PLEKHM2: variants seen among roughly 807,000 people sequenced by gnomAD.
PLEKHM2 encodes the protein pleckstrin homology domain-containing family M member 2.
A neutral mutation model predicts 116.3 loss-of-function variants in PLEKHM2; 77 were observed. The ratio of observed to expected loss-of-function variants is 0.66; its 90% CI spans 0.55 to 0.80. PLEKHM2 has a LOEUF of 0.80. PLEKHM2 is among the 30% of genes least tolerant of loss of function. PLEKHM2 has a pLI of 0.00. For missense variants in PLEKHM2, 1,183 were observed against 1,354.9 expected (o/e 0.87, Z 1.99); for synonymous variants, 562 against 571.0 (o/e 0.98, Z 0.22).
chr1:15,731,827 GGCTGTCGCCCCGT>G, intron 16 of PLEKHM2, 49 bp from the exon 17 acceptor site: 1 of 1,457,156 alleles, frequency 6.9e-7, no homozygotes, highest in Non-Finnish European at 9.4e-7. Flanking sequence ...CAACCCTGGG[GGCTGTCGCCCCGT>G]GCTGCCCTTG....
intron 14 of PLEKHM2, 116 bp from the exon 15 acceptor site, chr1:15,730,416 T>A: frequency 1.3e-6 from 1 of 799,486 alleles, no homozygotes; most frequent in East Asian, 2.7e-5. Context: ...CAGTCCAGCC[T>A]GGGCGACAGA....
intron 1 of PLEKHM2, among the ~76,000 whole-genome samples, chr1:15,694,445 G>C (rs1640950262): frequency 6.6e-6 from 1 of 152,106 alleles, no homozygotes; most frequent in Non-Finnish European, 1.5e-5. Flanking sequence ...AGCAACTCTG[G>C]GCCCCGAGCT....
chr1:15,697,720 G>A (rs912213882), intron 1 of PLEKHM2, among the ~76,000 whole-genome samples: 1 of 152,078 alleles, frequency 6.6e-6, no homozygotes, highest in African/African-American at 2.4e-5. Flanking sequence ...CTGGGATGCA[G>A]TGGTGCAATC....
rs116455686 is a variant in PLEKHM2 at position 15,730,534 on chromosome 1, A to G, written c.2211A>G (p.Ala737=). 15,657 of 1,577,064 alleles carry G rather than the reference A, an allele frequency of 9.9e-3. 108 individuals are homozygous for G. Among genetic ancestry groups the G allele is most frequent in the Non-Finnish European group, 0.011 (12,916 of 1,161,568 alleles). The change falls in exon 15 of 20, where the codon GCA becomes GCG. Residue 737 remains alanine, a splice_region_variant and synonymous_variant. Transcript: ENST00000375799. ...KFVAQESKCE[A]SAVTVRFYGL... ...CCCCGTGCCCGCCCCCGCATCAGGC[A>G]TCTGCTGTCACCGTGCGCTTCTACG...
Position 15,721,470 on chromosome 1 carries a change from C to A in PLEKHM2, c.712+82C>A. The stretch of plus-strand genomic sequence containing the variant: ...GCTTGCTGCATGTATCAAATCAGCT[C>A]CTTATTATTTATAATAATATCCATA... On this transcript the variant is annotated intron_variant, in intron 7 of 19. Coordinates refer to ENST00000375799, the MANE Select transcript of PLEKHM2 (RefSeq NM_015164.4). The surrounding 1 kb of genome is among the most constrained non-coding windows in gnomAD (Gnocchi z 5.1). 1.3e-6 allele frequency: 1 copy of A among 794,702 alleles called. No individual in the cohort carries two copies. The highest frequency in any genetic ancestry group is 2.7e-5 in the East Asian group (1 of 36,824). 49.2% of individuals were successfully genotyped at this position (794,702 alleles called of 1,614,324 possible).
intron 1 of PLEKHM2, among the ~76,000 whole-genome samples, chr1:15,686,648 A>ATTTTTTTTTTTTTTTTTTTTTTT (rs1233033159): frequency 1.5e-5 from 2 of 134,212 alleles, no homozygotes; most frequent in Admixed American, 7.4e-5. Context: ...ACCCGGCTAA[A>ATTTTTTTTTTTTTTTTTTTTTTT]TTTTTTTTTT....
Position 15,729,662 on chromosome 1 carries a change from C to T in PLEKHM2, c.2076-135C>T, listed in dbSNP as rs2148376177. 2.7e-6 allele frequency: 2 copies of T among 728,416 alleles called. No homozygotes were observed. Among genetic ancestry groups the T allele is most frequent in the South Asian group, 3.6e-5 (2 of 55,584 alleles). The allele number at this position is 728,416 out of a possible 1,614,324, so 45.1% of individuals were successfully genotyped here. Reference sequence around the variant, plus strand: ...CTGCGTCATTGCCGCACCTGCCGCCCTGGTCACTGGGTCTAGCCAGGTCTC... The same window carrying T: ...CTGCGTCATTGCCGCACCTGCCGCCTTGGTCACTGGGTCTAGCCAGGTCTC... On this transcript the variant is annotated intron_variant, in intron 13 of 19. Transcript: ENST00000375799. The surrounding 1 kb of genome is among the most constrained non-coding windows in gnomAD (Gnocchi z 4.7).
intron 7 of PLEKHM2, among the ~76,000 whole-genome samples, chr1:15,723,590 A>G (rs1005500248): frequency 6.6e-6 from 1 of 151,934 alleles, no homozygotes; most frequent in Admixed American, 6.6e-5. Flanking sequence ...AAATATAAAA[A>G]TTAGCCAGGC....
chr1:15,694,469 G>T (rs1195826824), intron 1 of PLEKHM2, among the ~76,000 whole-genome samples: 1 of 152,166 alleles, frequency 6.6e-6, no homozygotes, highest in African/African-American at 2.4e-5. Context: ...CTCCTTGAGG[G>T]TCTAAACCAG....
At chr1:15,715,282 T>G (rs1409087885) in intron 1 of PLEKHM2, among the ~76,000 whole-genome samples, 1 of 152,178 alleles carries the variant, frequency 6.6e-6, no homozygotes, top group Admixed American at 6.5e-5. Flanking sequence ...TTCAGGAGAT[T>G]GAGGCTGCAG....
chr1:15,711,338 A>C (rs1359471527), intron 1 of PLEKHM2, among the ~76,000 whole-genome samples: 1 of 151,774 alleles, frequency 6.6e-6, no homozygotes, highest in Non-Finnish European at 1.5e-5. Flanking sequence ...TTTTGTGGCC[A>C]ACCGTGGTGG....
intron 2 of PLEKHM2, among the ~76,000 whole-genome samples, 160 bp from the exon 3 acceptor site, chr1:15,716,547 T>C (rs951200477): frequency 6.6e-6 from 1 of 152,126 alleles, no homozygotes; most frequent in Middle Eastern, 3.4e-3. Context: ...GAGGGAGGAT[T>C]TGCCACAAAT....
intron 1 of PLEKHM2, among the ~76,000 whole-genome samples, chr1:15,703,790 G>A (rs911020347): frequency 6.6e-6 from 1 of 152,178 alleles, no homozygotes; most frequent in Admixed American, 6.5e-5. Flanking sequence ...ACACTTCCCC[G>A]AAGCAGTCTT....
intron 1 of PLEKHM2, among the ~76,000 whole-genome samples, chr1:15,694,631 T>A (rs1001372501): frequency 2.0e-5 from 3 of 152,130 alleles, no homozygotes; most frequent in Admixed American, 6.6e-5. Context: ...GAGATTAAAG[T>A]TTAGGCCATT....
chr1:15,710,498 A>AT (rs945889820), intron 1 of PLEKHM2, among the ~76,000 whole-genome samples: 7 of 150,838 alleles, frequency 4.6e-5, no homozygotes, highest in Admixed American at 1.3e-4. Flanking sequence ...TAATTTTTGT[A>AT]TTTTTTTTAG....
chr1:15,725,692 T>C, intron 8 of PLEKHM2, 147 bp downstream of exon 8: 1 of 622,342 alleles, frequency 1.6e-6, no homozygotes, highest in South Asian at 1.9e-5. Context: ...CTCTAGGAGG[T>C]TCTTTGAGCA....
upstream of PLEKHM2, chr1:15,681,705 T>G (rs1557633757): frequency 2.4e-6 from 1 of 418,906 alleles, no homozygotes; most frequent in Non-Finnish European, 4.9e-6. Context: ...CTTTGGTAAG[T>G]AGGAGGCTAT....
Position 15,727,619 on chromosome 1 carries a change from C to A in PLEKHM2, c.1547C>A (p.Pro516His). Residue 516 changes from proline to histidine, a missense_variant, in exon 9 of 20, where the codon CCC becomes CAC. By Grantham distance (77) the Pro-to-His change is moderately conservative. Coordinates refer to ENST00000375799, the MANE Select transcript of PLEKHM2 (RefSeq NM_015164.4). This position sits in a 1 kb window ranked among gnomAD's most constrained non-coding sequence, Gnocchi z 7.5. ...GGGGEGQTPRPLEDTTREAQE... is the reference protein window; with the variant it reads ...GGGGEGQTPRHLEDTTREAQE... ...GGAGGAGAGGGACAGACGCCTCGGC[C>A]CCTAGAGGATACCACGAGGGAGGCT... is the stretch of plus-strand genomic sequence containing the variant. The A allele has an allele frequency of 6.3e-7, 1 of 1,588,846 alleles. No homozygotes were observed. Among genetic ancestry groups the A allele is most frequent in the East Asian group, 2.3e-5 (1 of 43,588 alleles).
chr1:15,687,272 T>C lies in PLEKHM2; in HGVS notation c.60+2654T>C, dbSNP rs534081111. ...AGCTCCGTCTCTCAGGTTCACGCCA[T>C]TCTCCTGCCTCAGCCTCCCGAGTAG... On this transcript the variant is annotated intron_variant, in intron 1 of 19. Coordinates refer to ENST00000375799, the MANE Select transcript of PLEKHM2 (RefSeq NM_015164.4). Among the ~76,000 whole-genome samples the C allele has an allele frequency of 1.1e-3, 174 of 152,190 alleles. 2 individuals are homozygous for C. The highest frequency in any genetic ancestry group is 1.6e-3 in the Non-Finnish European group (107 of 68,010).
Sources: gnomAD v4.1 joint callset for allele counts (sites outside exome capture counted in the v4.1 genomes callset) on GRCh38, gnomAD v4.1.1 for gene constraint, Gnocchi (gnomAD v3.1) non-coding constraint, MANE v1.5 for transcripts, NCBI Gene and HGNC (gene_info 2026-07-23, HGNC 2026-07-21) for gene names.